The following SCHIP1 variants were observed in gnomAD, a reference collection of about 807,000 sequenced individuals.
SCHIP1 encodes schwannomin-interacting protein 1.
A neutral mutation model predicts 29.7 loss-of-function variants in SCHIP1; 8 were observed. The observed-to-expected ratio is 0.27, with a 90% CI of 0.16 to 0.49. The LOEUF (loss-of-function observed/expected upper bound fraction) is 0.49. Ranked by LOEUF, SCHIP1 falls within the 20% of genes least tolerant of loss-of-function variation. The probability of loss-of-function intolerance (pLI) is 0.99; values close to 1 mark genes in which losing one functional copy is unlikely to be tolerated. For synonymous variants in SCHIP1, 76 were observed against 94.9 expected, an observed-to-expected ratio of 0.80 and a Z score of 1.16; for missense variants, 193 against 294.6, an observed-to-expected ratio of 0.66 and a Z score of 2.52.
At chr3:159,587,532 C>T in the SCHIP1 span, among the ~76,000 whole-genome samples, 1 of 152,142 alleles carries the variant, frequency 6.6e-6, no homozygotes, top group African/African-American at 2.4e-5. Context: ...AGGTTTGTTA[C>T]ATATGTATAC....
chr3:159,522,078 T>G, the SCHIP1 span, among the ~76,000 whole-genome samples: 1 of 152,234 alleles, frequency 6.6e-6, no homozygotes, highest in African/African-American at 2.4e-5. Context: ...TAGACATATA[T>G]CTGTGCATGG....
At chr3:159,353,029 T>C in the SCHIP1 span, among the ~76,000 whole-genome samples, 1 of 152,096 alleles carries the variant, frequency 6.6e-6, no homozygotes, top group Non-Finnish European at 1.5e-5. Flanking sequence ...AGACCACCTG[T>C]TCAACCCTTT....
At chr3:159,730,462 T>A in the SCHIP1 span, among the ~76,000 whole-genome samples, 1,853 of 152,332 alleles carry the variant, frequency 0.012, 42 homozygotes, top group African/African-American at 0.042. Context: ...TGAGCTATTA[T>A]TATTACTGTA....
At chr3:159,847,547 G>A (rs766774277) in intron 1 of SCHIP1, among the ~76,000 whole-genome samples, 12 of 152,118 alleles carry the variant, frequency 7.9e-5, no homozygotes, top group Non-Finnish European at 1.6e-4. Context: ...CCATTAATGG[G>A]GAAAGAACAC....
At chr3:159,316,618 T>A in the SCHIP1 span, among the ~76,000 whole-genome samples, 1 of 152,106 alleles carries the variant, frequency 6.6e-6, no homozygotes, top group Non-Finnish European at 1.5e-5. Flanking sequence ...CCTGTACACA[T>A]CTCTTGAGAT....
At chr3:159,840,270 T>G (rs1044597130) in intron 1 of SCHIP1, 18 of 1,440,322 alleles carry the variant, frequency 1.2e-5, no homozygotes, top group Non-Finnish European at 1.7e-5. Context: ...GAGGCCTTCC[T>G]CTTCCAAAGC....
the SCHIP1 span, among the ~76,000 whole-genome samples, chr3:159,384,873 C>G: frequency 2.6e-5 from 4 of 152,136 alleles, no homozygotes; most frequent in African/African-American, 7.2e-5. Flanking sequence ...TCCATTTCTT[C>G]TAGATTTTCT....
chr3:159,675,922 G>T, the SCHIP1 span, among the ~76,000 whole-genome samples: 1 of 151,558 alleles, frequency 6.6e-6, no homozygotes, highest in South Asian at 2.2e-4. Context: ...ACCTGAGGTC[G>T]GGAGTTCAAG....
the SCHIP1 span, among the ~76,000 whole-genome samples, chr3:159,666,480 TTTCC>T: frequency 6.6e-6 from 1 of 152,202 alleles, no homozygotes; most frequent in Non-Finnish European, 1.5e-5. Flanking sequence ...TGCTTGTTTA[TTTCC>T]TTCCTTGTTA....
At chr3:159,506,634 A>T in the SCHIP1 span, among the ~76,000 whole-genome samples, 1 of 152,120 alleles carries the variant, frequency 6.6e-6, no homozygotes, top group Admixed American at 6.6e-5. Context: ...TTCTTGAATT[A>T]ATTTTTGTAT....
At chr3:159,842,429 C>T (rs1213037699) in intron 1 of SCHIP1, among the ~76,000 whole-genome samples, 2 of 152,124 alleles carry the variant, frequency 1.3e-5, no homozygotes, top group Admixed American at 6.5e-5. Flanking sequence ...ATGTGTTCTA[C>T]CTACCCCTGC....
the SCHIP1 span, among the ~76,000 whole-genome samples, chr3:159,807,443 A>G: frequency 1.7e-3 from 257 of 152,374 alleles, 1 homozygote; most frequent in African/African-American, 5.8e-3. Context: ...TGCCAAGTAC[A>G]TAATCTCTCT....
chr3:159,792,417 T>G, the SCHIP1 span, among the ~76,000 whole-genome samples: 5 of 152,220 alleles, frequency 3.3e-5, no homozygotes, highest in Admixed American at 3.3e-4. Flanking sequence ...TGTTAAAGAA[T>G]TGTATGTGGT....
chr3:159,643,041 A>C, the SCHIP1 span, among the ~76,000 whole-genome samples: 1 of 152,036 alleles, frequency 6.6e-6, no homozygotes, highest in Non-Finnish European at 1.5e-5. Context: ...GGTGGTGAGG[A>C]AAGGGCTACT....
At chr3:159,603,642 T>C in the SCHIP1 span, among the ~76,000 whole-genome samples, 7 of 152,202 alleles carry the variant, frequency 4.6e-5, no homozygotes, top group Non-Finnish European at 8.8e-5. Context: ...TTAGGAAAAG[T>C]ATCCTGTTTT....
At chr3:159,310,742 A>G in the SCHIP1 span, among the ~76,000 whole-genome samples, 1 of 152,212 alleles carries the variant, frequency 6.6e-6, no homozygotes, top group Non-Finnish European at 1.5e-5. Flanking sequence ...ATAGGTTTGC[A>G]GGTACAGGCT....
At chr3:159,308,056 T>C in the SCHIP1 span, among the ~76,000 whole-genome samples, 510 of 152,248 alleles carry the variant, frequency 3.3e-3, 2 homozygotes, top group African/African-American at 0.012. Flanking sequence ...TTTGGTTATT[T>C]AGGCTCTTTT....
intron 6 of SCHIP1, chr3:159,893,536 G>A (rs1717758649): frequency 6.6e-6 from 1 of 152,064 alleles, no homozygotes; most frequent in African/African-American, 2.4e-5. Context: ...ATAAATTCTT[G>A]TAAACTATGA....
chr3:159,880,110 A>G (rs1017627500), intron 2 of SCHIP1, among the ~76,000 whole-genome samples: 1 of 152,224 alleles, frequency 6.6e-6, no homozygotes, highest in Non-Finnish European at 1.5e-5. Flanking sequence ...GCTTCTGCTG[A>G]GGAAGCCGAA....
Sources: allele counts gnomAD v4.1 joint callset (sites outside exome capture counted in the v4.1 genomes callset), GRCh38; gene constraint gnomAD v4.1.1; transcripts MANE v1.5; gene names NCBI Gene and HGNC (gene_info 2026-07-23, HGNC 2026-07-21).